MKLN1: variants seen among roughly 807,000 people sequenced by gnomAD.
The protein encoded by MKLN1 is muskelin 1, also known as muskelin.
In MKLN1, 18 loss-of-function variants were observed where a neutral mutation model predicts 99.0. The observed-to-expected ratio is 0.18, with a 90% CI of 0.13 to 0.27. The LOEUF (loss-of-function observed/expected upper bound fraction) is 0.27, where lower values mean the gene tolerates loss of function less well. Ranked by LOEUF, MKLN1 falls within the 10% of genes least tolerant of loss-of-function variation. MKLN1 has a pLI of 1.00. For synonymous variants in MKLN1, 288 were observed against 293.2 expected (o/e 0.98, Z 0.18); for missense variants, 621 against 875.9 (o/e 0.71, Z 3.67).
At chr7:131,339,109 T>C (rs1287897869) in intron 1 of MKLN1, among the ~76,000 whole-genome samples, 2 of 152,262 alleles carry the variant, frequency 1.3e-5, no homozygotes, top group Non-Finnish European at 2.9e-5. Flanking sequence ...TTCATGTTAT[T>C]GATAAGGCTT....
chr7:131,385,305 C>T (rs539378236), intron 2 of MKLN1, among the ~76,000 whole-genome samples: 6 of 152,020 alleles, frequency 3.9e-5, no homozygotes, highest in Non-Finnish European at 8.8e-5. Context: ...TGAACAGTAC[C>T]CCTGTGAACA....
intron 3 of MKLN1, among the ~76,000 whole-genome samples, chr7:131,296,080 G>A (rs950999411): frequency 2.6e-5 from 4 of 151,970 alleles, no homozygotes; most frequent in East Asian, 1.9e-4. Context: ...CTTTTTTGGC[G>A]GTTACAATTT....
intron 1 of MKLN1, among the ~76,000 whole-genome samples, chr7:131,125,743 G>T (rs1015899656): frequency 1.3e-5 from 2 of 152,054 alleles, no homozygotes; most frequent in African/African-American, 4.8e-5. Context: ...GGTGGCTCAC[G>T]CCTGTAATCC....
At chr7:131,249,650 G>A (rs887608774) in intron 3 of MKLN1, among the ~76,000 whole-genome samples, 1 of 152,142 alleles carries the variant, frequency 6.6e-6, no homozygotes, top group Non-Finnish European at 1.5e-5. Context: ...GGAGAGTCAG[G>A]AGCGCTCTCC....
At chr7:131,397,772 C>G (rs1288720376) in intron 5 of MKLN1, among the ~76,000 whole-genome samples, 1 of 152,056 alleles carries the variant, frequency 6.6e-6, no homozygotes, top group Non-Finnish European at 1.5e-5. Context: ...CATATAAATA[C>G]TTAAAACATA....
Position 131,496,614 on chromosome 7 carries a change from A to G in MKLN1, c.*8886A>G, listed in dbSNP as rs1013903218. On this transcript the variant is annotated 3_prime_UTR_variant, in exon 18 of 18. Transcript: ENST00000352689. ...GTATTTTGTTCATTTTCTTAATAAA[A>G]TGTTATATATGGATGCTACAAGATA... 1 of 151,378 alleles carries G rather than the reference A, an allele frequency of 6.6e-6. No homozygotes were observed. The highest frequency in any genetic ancestry group is 2.5e-5 in the African/African-American group (1 of 40,632). The allele number at this position is 151,378 out of a possible 1,614,324, so 9.4% of individuals were successfully genotyped here.
chr7:131,466,928 C>T (rs558962942), intron 15 of MKLN1, among the ~76,000 whole-genome samples: 14 of 152,122 alleles, frequency 9.2e-5, no homozygotes, highest in South Asian at 4.2e-4. Flanking sequence ...CACACACGCG[C>T]GCGCGCGCAC....
At position 131,384,153 on chromosome 7, in the gene MKLN1, A is replaced by G. The variant is rs186560872; in HGVS notation, c.169-2967A>G. Among the ~76,000 whole-genome samples, 499 of 150,980 alleles carry G rather than the reference A, an allele frequency of 3.3e-3. 4 individuals carry two copies. The highest frequency in any genetic ancestry group is 0.011 in the African/African-American group (448 of 41,214). Reference sequence around the variant, plus strand: ...ACAGCAGTACCTAGAACTAATTTTCATAAGCATTCACTACTTTTTTTTTTT... The same window carrying G: ...ACAGCAGTACCTAGAACTAATTTTCGTAAGCATTCACTACTTTTTTTTTTT... On this transcript the variant is annotated intron_variant, in intron 2 of 17. Transcript: ENST00000352689.
chr7:131,359,200 T>C (rs1429533994), intron 1 of MKLN1, among the ~76,000 whole-genome samples: 1 of 152,184 alleles, frequency 6.6e-6, no homozygotes, highest in Non-Finnish European at 1.5e-5. Context: ...CCACAAGTTT[T>C]GATGTTTTGT....
Position 131,377,342 on chromosome 7 carries a change from T to G in MKLN1, c.168+1849T>G, listed in dbSNP as rs969866906. On this transcript the variant is annotated intron_variant, in intron 2 of 17. Transcript: ENST00000352689. ...TGGATCATGTTCTCCTCATCACTTC[T>G]ATGGGTGGATTTTATATTTTGCCAG... is the stretch of plus-strand genomic sequence containing the variant. Among the ~76,000 whole-genome samples, 3 of 152,212 alleles carry G rather than the reference T, an allele frequency of 2.0e-5. No homozygotes were observed. In the South Asian group the frequency reaches 6.2e-4, roughly 32 times the overall value.
At chr7:131,175,150 A>G (rs112946760) in intron 2 of MKLN1, among the ~76,000 whole-genome samples, 8,952 of 136,006 alleles carry the variant, frequency 0.066, 344 homozygotes, top group African/African-American at 0.13. Flanking sequence ...GGATGGGTGG[A>G]TGGATAGATA....
At chr7:131,115,746 A>T (rs1020852624) in intron 1 of MKLN1, among the ~76,000 whole-genome samples, 2 of 152,136 alleles carry the variant, frequency 1.3e-5, no homozygotes, top group African/African-American at 4.8e-5. Flanking sequence ...TTGCTCTTGT[A>T]TTATAGGATT....
chr7:131,370,762 C>T (rs1286936730), intron 1 of MKLN1, among the ~76,000 whole-genome samples: 1 of 152,128 alleles, frequency 6.6e-6, no homozygotes, highest in Non-Finnish European at 1.5e-5. Context: ...CAGATTGTCA[C>T]AGCAATACTT....
At chr7:131,349,062 A>G (rs1384256851) in intron 1 of MKLN1, among the ~76,000 whole-genome samples, 3 of 152,212 alleles carry the variant, frequency 2.0e-5, no homozygotes, top group Non-Finnish European at 2.9e-5. Flanking sequence ...TATAGTTCAT[A>G]TTAAGCTACA....
rs1275046167 is a variant in MKLN1, at chr7:131,493,051, G to A, written c.*5323G>A. 6.6e-6 allele frequency: 1 copy of A among 152,180 alleles called. No homozygotes were observed. Among genetic ancestry groups the A allele is most frequent in the Non-Finnish European group, 1.5e-5 (1 of 68,028 alleles). 9.4% of individuals were successfully genotyped at this position (152,180 alleles called of 1,614,324 possible). Reference sequence around the variant, plus strand: ...ATTATTTGGAAATAAGATTTGCAATGTGCTGTCTATCCCCAAACACTGCTG... The same window carrying A: ...ATTATTTGGAAATAAGATTTGCAATATGCTGTCTATCCCCAAACACTGCTG... On this transcript the variant is annotated 3_prime_UTR_variant, in exon 18 of 18. Coordinates refer to ENST00000352689, the MANE Select transcript of MKLN1 (RefSeq NM_013255.5).
intron 3 of MKLN1, among the ~76,000 whole-genome samples, chr7:131,290,783 T>G (rs1287737323): frequency 6.6e-6 from 1 of 152,226 alleles, no homozygotes; most frequent in Non-Finnish European, 1.5e-5. Context: ...CAACTTCTCT[T>G]TAATTCCTAA....
intron 1 of MKLN1, among the ~76,000 whole-genome samples, chr7:131,363,027 G>A (rs1320682968): frequency 1.3e-5 from 2 of 150,996 alleles, no homozygotes; most frequent in Non-Finnish European, 3.0e-5. Context: ...TTTCATCTTC[G>A]TGGCCACATT....
intron 3 of MKLN1, chr7:131,242,964 G>T: frequency 1.6e-6 from 1 of 642,312 alleles, no homozygotes. Flanking sequence ...ATACAAGACA[G>T]GCAAGAACAA....
intron 9 of MKLN1, among the ~76,000 whole-genome samples, chr7:131,433,176 C>T (rs1433811995): frequency 6.6e-6 from 1 of 152,150 alleles, no homozygotes; most frequent in Middle Eastern, 3.2e-3. Context: ...GAATAGTTCC[C>T]TAAACTTTCT....
Sources: allele counts gnomAD v4.1 joint callset (sites outside exome capture counted in the v4.1 genomes callset), GRCh38; gene constraint gnomAD v4.1.1; transcripts MANE v1.5; gene names NCBI Gene and HGNC (gene_info 2026-07-23, HGNC 2026-07-21).